Variants in STK32C observed in about 807,000 individuals in gnomAD.
The protein encoded by STK32C is serine/threonine-protein kinase 32C.
A neutral mutation model predicts 56.5 loss-of-function variants in STK32C; 31 were observed. The ratio of observed to expected loss-of-function variants is 0.55; its 90% CI spans 0.41 to 0.74. The LOEUF is 0.74. STK32C is among the 30% of genes least tolerant of loss of function. The probability of loss-of-function intolerance (pLI) is 0.00; values close to 1 mark genes in which losing one functional copy is unlikely to be tolerated. For synonymous variants in STK32C, 309 were observed against 289.4 expected, an observed-to-expected ratio of 1.07 and a Z score of -0.69; for missense variants, 544 against 676.9, an observed-to-expected ratio of 0.80 and a Z score of 2.18.
chr10:132,234,894 T>C (rs2063221427), intron 2 of STK32C, among the ~76,000 whole-genome samples: 1 of 152,208 alleles, frequency 6.6e-6, no homozygotes, highest in Admixed American at 6.5e-5. Flanking sequence ...GAAGCTTGTG[T>C]GGCACGCCCA....
chr10:132,238,432 G>A (rs2063373870), intron 2 of STK32C, among the ~76,000 whole-genome samples: 1 of 152,238 alleles, frequency 6.6e-6, no homozygotes, highest in Admixed American at 6.5e-5. Flanking sequence ...CAGACGACGT[G>A]AAGGGGAAAC....
intron 8 of STK32C, 34 bp downstream of exon 8, chr10:132,224,373 C>G (rs753913139): frequency 1.3e-5 from 19 of 1,494,354 alleles, no homozygotes; most frequent in Non-Finnish European, 1.7e-5. Context: ...GGTGGGTGCT[C>G]GGAGGGTGAG....
intron 1 of STK32C, among the ~76,000 whole-genome samples, chr10:132,271,440 G>A (rs1011957431): frequency 6.6e-5 from 10 of 152,206 alleles, no homozygotes; most frequent in Non-Finnish European, 1.5e-4. Context: ...TCCCAACAGT[G>A]TGGGCCCGTG....
intron 1 of STK32C, among the ~76,000 whole-genome samples, chr10:132,257,505 AC>A (rs1046415542): frequency 7.3e-6 from 1 of 137,726 alleles, no homozygotes; most frequent in African/African-American, 2.6e-5. Context: ...GGAGCATCAC[AC>A]CCCCCAGCCA....
At chr10:132,213,435 C>G (rs528481412) in intron 10 of STK32C, among the ~76,000 whole-genome samples, 1 of 152,222 alleles carries the variant, frequency 6.6e-6, no homozygotes, top group African/African-American at 2.4e-5. Flanking sequence ...AGGATTTAGG[C>G]AAGCCCAAGG....
chr10:132,257,811 GC>G (rs1229942133), intron 1 of STK32C, among the ~76,000 whole-genome samples: 1 of 151,742 alleles, frequency 6.6e-6, no homozygotes, highest in Non-Finnish European at 1.5e-5. Flanking sequence ...CCCATCAGCT[GC>G]CCTGGGCTGG....
At chr10:132,320,256 G>A (rs1590505514), downstream of STK32C, among the ~76,000 whole-genome samples, 4 of 152,112 alleles carry the variant, frequency 2.6e-5, no homozygotes, top group East Asian at 7.7e-4. Context: ...CTTTCATGCT[G>A]GTTAAAGATA....
chr10:132,299,159 C>T (rs959257406), intron 1 of STK32C, among the ~76,000 whole-genome samples: 65 of 151,256 alleles, frequency 4.3e-4, no homozygotes, highest in African/African-American at 1.4e-3. Flanking sequence ...GATCCACCAG[C>T]CAACAGCGAA....
intron 1 of STK32C, among the ~76,000 whole-genome samples, chr10:132,291,820 A>C (rs756685610): frequency 4.8e-5 from 7 of 145,080 alleles, no homozygotes; most frequent in Non-Finnish European, 9.0e-5. Context: ...GCTGAAGGAC[A>C]CAGACCACAT....
At chr10:132,300,854 G>A (rs1272523808) in intron 1 of STK32C, among the ~76,000 whole-genome samples, 1 of 152,214 alleles carries the variant, frequency 6.6e-6, no homozygotes, top group Non-Finnish European at 1.5e-5. Context: ...ACGTGCCCAA[G>A]TATTAGTCAG....
intron 1 of STK32C, among the ~76,000 whole-genome samples, chr10:132,284,815 T>C (rs11594358): frequency 0.14 from 9,571 of 66,516 alleles, 8 homozygotes; most frequent in African/African-American, 0.23. Flanking sequence ...CATTCCCACG[T>C]CTGCCCAAAG....
In STK32C at chr10:132,307,638, T is replaced by C; in HGVS notation, c.196A>G (p.Lys66Glu). 1 of 1,550,880 alleles carries C rather than the reference T, an allele frequency of 6.4e-7. No individual in the cohort carries two copies. The highest frequency in any genetic ancestry group is 8.7e-7 in the Non-Finnish European group (1 of 1,151,644). The change falls in exon 1 of 12, where the codon AAG becomes GAG. Residue 66 changes from lysine (K) to glutamate (E), a missense_variant. This residue lies in a region of STK32C where 182 missense variants were observed against 217.7 expected (regional missense o/e 0.84). Transcript: ENST00000298630. This position sits in a 1 kb window ranked among gnomAD's most constrained non-coding sequence, Gnocchi z 4.4. The stretch of plus-strand genomic sequence containing the variant: ...GCCGACATGGACGAGCCCATCCTCT[T>C]CTTCCACTTGCTCCACTGAAACAGG... ...RPLFQWSKWK[K>E]RMGSSMSAAT...
intron 2 of STK32C, among the ~76,000 whole-genome samples, chr10:132,237,203 GGACTGTGCTCCCT>G (rs1352372951): frequency 6.6e-6 from 1 of 151,944 alleles, no homozygotes; most frequent in African/African-American, 2.4e-5. Flanking sequence ...TGTGCTCCCT[GGACTGTGCTCCCT>G]GGGCTCACAG....
rs1387581931 is a variant in STK32C, at chr10:132,331,460, C to T, written c.277G>A (p.Gly93Arg). 4 of 1,612,346 alleles carry T rather than the reference C, an allele frequency of 2.5e-6. No homozygotes were observed. In the African/African-American group the frequency reaches 4.0e-5, roughly 16 times the overall value. The change falls in exon 1 of 2, where the codon GGA becomes AGA. Residue 93 changes from glycine to arginine, a missense_variant. By Grantham distance (125) the Gly-to-Arg change is moderately radical (BLOSUM62 -2). Coordinates refer to the STK32C transcript ENST00000368619. The stretch of plus-strand genomic sequence containing the variant: ...CTGCGTTTCCTCGCCCCCCTCACTC[C>T]TCCGTCCAGAGGCAGCCTTACTTCT...
At position 132,280,129 on chromosome 10, in the gene STK32C, C is replaced by T. The variant is rs536282882; in HGVS notation, c.262+27443G>A. Among the ~76,000 whole-genome samples, 6 of 143,694 alleles carry T rather than the reference C, an allele frequency of 4.2e-5. No individual in the cohort carries two copies. In the South Asian group the frequency reaches 1.3e-3, roughly 31 times the overall value. The allele number at this position is 143,694 out of a possible 152,430, so 94.3% of individuals were successfully genotyped here. ...TTCCGTGATCACTCTGAGGCCTCCA[C>T]TCTGTGATCACGCCCCTGCACTCTG... On this transcript the variant is annotated intron_variant, in intron 1 of 11. Coordinates refer to ENST00000298630, the MANE Select transcript of STK32C (RefSeq NM_173575.4).
chr10:132,304,146 C>T (rs548989473), intron 1 of STK32C, among the ~76,000 whole-genome samples: 3 of 152,366 alleles, frequency 2.0e-5, no homozygotes, highest in African/African-American at 7.2e-5. Context: ...TTCATCAATA[C>T]GTCGTTTATG....
intron 1 of STK32C, among the ~76,000 whole-genome samples, chr10:132,266,614 C>T (rs985431790): frequency 2.0e-5 from 3 of 152,192 alleles, no homozygotes; most frequent in Admixed American, 6.5e-5. Context: ...GGCCTGCCCA[C>T]GCCAAGGAGC....
Position 132,224,499 on chromosome 10 carries a change from T to G in STK32C, c.901A>C (p.Asn301His). The G allele has an allele frequency of 6.3e-7, 1 of 1,590,908 alleles. No individual in the cohort carries two copies. Residue 301 changes from asparagine to histidine, a missense_variant, in exon 8 of 12, where the codon AAC (asparagine) becomes CAC (histidine). Around this residue, in one of 3 missense-constraint regions of STK32C, gnomAD observed 277 missense variants for 309.3 expected, o/e 0.90. Coordinates refer to ENST00000298630, the MANE Select transcript of STK32C (RefSeq NM_173575.4). ...GWRPYDIHSS[N>H]AVESLVQLFS... ...AGCTGCACCAGGGACTCCACGGCGTTGCTGGAGTGGATGTCATAGGGCCTC... is the reference window on the plus strand; with the variant it reads ...AGCTGCACCAGGGACTCCACGGCGTGGCTGGAGTGGATGTCATAGGGCCTC...
intron 2 of STK32C, among the ~76,000 whole-genome samples, chr10:132,244,977 G>A (rs546688847): frequency 1.3e-5 from 2 of 152,288 alleles, no homozygotes; most frequent in African/African-American, 2.4e-5. Flanking sequence ...TTGGTGCACG[G>A]GAGCTTTCTC....
Sources: allele counts gnomAD v4.1 joint callset (sites outside exome capture counted in the v4.1 genomes callset), GRCh38; gene constraint gnomAD v4.1.1; regional missense constraint gnomAD v4.1.1; non-coding constraint Gnocchi (gnomAD v3.1); transcripts MANE v1.5; gene names NCBI Gene and HGNC (gene_info 2026-07-23, HGNC 2026-07-21).